The following VPS50 variants were observed in gnomAD, a reference collection of about 807,000 sequenced individuals.
VPS50 encodes VPS50 subunit of EARP/GARPII complex.
VPS50 carries 70 observed loss-of-function variants against 139.7 expected under a neutral mutation model. That is an observed-to-expected ratio of 0.50 (90% CI 0.41 to 0.61). VPS50 has a LOEUF of 0.61. Ranked by LOEUF, VPS50 falls within the 20% of genes least tolerant of loss-of-function variation. The pLI, the probability that VPS50 is intolerant of heterozygous loss-of-function variation, is 0.00. For synonymous variants in VPS50, 365 were observed against 376.7 expected, an observed-to-expected ratio of 0.97 and a Z score of 0.36; for missense variants, 921 against 1,133.7, an observed-to-expected ratio of 0.81 and a Z score of 2.69.
intron 20 of VPS50, among the ~76,000 whole-genome samples, chr7:93,315,622 A>G (rs1235278231): frequency 6.6e-6 from 1 of 152,196 alleles, no homozygotes; most frequent in African/African-American, 2.4e-5. Flanking sequence ...GATAGGTTAA[A>G]CATGGCATCT....
At chr7:93,295,795 G>A (rs1416461080) in intron 14 of VPS50, among the ~76,000 whole-genome samples, 4 of 152,026 alleles carry the variant, frequency 2.6e-5, no homozygotes, top group East Asian at 1.9e-4. Flanking sequence ...CAGAGTCATG[G>A]CCCAGTGCAG....
At chr7:93,275,488 C>T (rs759901350) in intron 11 of VPS50, among the ~76,000 whole-genome samples, 1 of 152,084 alleles carries the variant, frequency 6.6e-6, no homozygotes, top group Non-Finnish European at 1.5e-5. Flanking sequence ...GAAAAAAGAT[C>T]GACTCACTGA....
chr7:93,289,366 T>A (rs181632948), intron 12 of VPS50, among the ~76,000 whole-genome samples: 1 of 152,178 alleles, frequency 6.6e-6, no homozygotes, highest in Admixed American at 6.6e-5. Context: ...TGATAGGAGT[T>A]TTAGTCTTTT....
intron 12 of VPS50, among the ~76,000 whole-genome samples, chr7:93,290,581 A>G (rs140508192): frequency 0.022 from 3,306 of 152,008 alleles, 44 homozygotes; most frequent in East Asian, 0.038. Context: ...ACCTATTGAG[A>G]TAATCATTTG....
chr7:93,261,561 C>T (rs1037279310), intron 9 of VPS50, among the ~76,000 whole-genome samples: 3 of 151,606 alleles, frequency 2.0e-5, no homozygotes, highest in Non-Finnish European at 4.4e-5. Flanking sequence ...GCCTGTAGTC[C>T]CAGCTACTCG....
intron 22 of VPS50, among the ~76,000 whole-genome samples, chr7:93,336,643 A>T (rs1184208390): frequency 6.6e-6 from 1 of 152,046 alleles, no homozygotes; most frequent in Non-Finnish European, 1.5e-5. Flanking sequence ...CCTCCCGAGT[A>T]GCTGGAATTA....
intron 9 of VPS50, 157 bp from the exon 10 acceptor site, chr7:93,271,063 C>G: frequency 8.6e-7 from 1 of 1,162,768 alleles, no homozygotes; most frequent in Non-Finnish European, 1.1e-6. Context: ...AATACTTTTT[C>G]TTATTGCATT....
At chr7:93,353,087 A>G (rs1173400717) in intron 25 of VPS50, among the ~76,000 whole-genome samples, 2 of 152,172 alleles carry the variant, frequency 1.3e-5, no homozygotes, top group Non-Finnish European at 2.9e-5. Context: ...CAAAACTGGA[A>G]AAAATCCAGA....
At chr7:93,306,650 C>CAAG (rs1797124783) in intron 18 of VPS50, among the ~76,000 whole-genome samples, 1 of 151,832 alleles carries the variant, frequency 6.6e-6, no homozygotes, top group South Asian at 2.1e-4. Context: ...TCCATATTTA[C>CAAG]AGGGAGAGGA....
intron 16 of VPS50, among the ~76,000 whole-genome samples, chr7:93,299,087 T>G (rs1236324280): frequency 6.6e-6 from 1 of 152,226 alleles, no homozygotes; most frequent in Non-Finnish European, 1.5e-5. Context: ...TTACTTAGTA[T>G]TCTTCTTTTT....
chr7:93,325,171 A>T (rs1218589085), intron 21 of VPS50, among the ~76,000 whole-genome samples: 1 of 152,316 alleles, frequency 6.6e-6, no homozygotes, highest in Middle Eastern at 3.4e-3. Flanking sequence ...TCTTTGACAA[A>T]CCTGAGAAAA....
chr7:93,316,372 TA>T (rs1219650498), intron 20 of VPS50, among the ~76,000 whole-genome samples: 3 of 152,086 alleles, frequency 2.0e-5, no homozygotes, highest in Admixed American at 1.3e-4. Flanking sequence ...TTGCTGTTTT[TA>T]AAAAAAGTGT....
chr7:93,270,847 A>G (rs10488537), intron 9 of VPS50, among the ~76,000 whole-genome samples: 11,355 of 152,042 alleles, frequency 0.075, 607 homozygotes, highest in Non-Finnish European at 0.1. Context: ...GACAGATAGA[A>G]TAAAAATAAA....
intron 16 of VPS50, among the ~76,000 whole-genome samples, chr7:93,301,019 G>A (rs548966104): frequency 3.3e-5 from 5 of 151,948 alleles, no homozygotes; most frequent in South Asian, 4.2e-4. Context: ...ATTAGGGGCC[G>A]GGCACAATGG....
intron 12 of VPS50, among the ~76,000 whole-genome samples, chr7:93,284,942 A>G (rs1796440069): frequency 6.6e-6 from 1 of 152,130 alleles, no homozygotes; most frequent in Non-Finnish European, 1.5e-5. Flanking sequence ...AAGTAATTAG[A>G]TATTGGAGTA....
intron 12 of VPS50, 21 bp from the exon 13 acceptor site, chr7:93,291,682 G>T (rs772422240): frequency 3.6e-6 from 5 of 1,388,708 alleles, no homozygotes; most frequent in Non-Finnish European, 4.8e-6. Context: ...TTTGAAAGTT[G>T]TCTCTTATCA....
At chr7:93,334,011 G>A in intron 21 of VPS50, 106 bp from the exon 22 acceptor site, 1 of 731,128 alleles carries the variant, frequency 1.4e-6, no homozygotes, top group South Asian at 1.5e-5. Flanking sequence ...ACCCTCTGAA[G>A]GCTAAGTATC....
chr7:93,272,561 C>G, intron 10 of VPS50, 74 bp from the exon 11 acceptor site: 1 of 592,126 alleles, frequency 1.7e-6, no homozygotes, highest in Non-Finnish European at 2.9e-6. Context: ...AGAAATTAGT[C>G]TTAATGTTTT....
intron 21 of VPS50, among the ~76,000 whole-genome samples, chr7:93,332,651 G>A (rs1345013881): frequency 6.6e-6 from 1 of 151,982 alleles, no homozygotes. Flanking sequence ...TATATGTCCC[G>A]ACAAGGACAC....
Sources: gnomAD v4.1 joint callset for allele counts (sites outside exome capture counted in the v4.1 genomes callset) on GRCh38, gnomAD v4.1.1 for gene constraint, MANE v1.5 for transcripts, NCBI Gene and HGNC (gene_info 2026-07-23, HGNC 2026-07-21) for gene names.